The following ACACB variants were observed in gnomAD, a reference collection of about 807,000 sequenced individuals.
ACACB encodes the protein acetyl-CoA carboxylase beta.
ACACB carries 209 observed loss-of-function variants against 278.8 expected under a neutral mutation model. That is an observed-to-expected ratio of 0.75 (90% CI 0.67 to 0.84). The LOEUF is 0.84. ACACB is among the 40% of genes least tolerant of loss of function. The pLI, the probability that ACACB is intolerant of heterozygous loss-of-function variation, is 0.00. For missense variants in ACACB, 2,850 were observed against 3,269.0 expected (o/e 0.87, Z 3.13); for synonymous variants, 1,174 against 1,285.6 (o/e 0.91, Z 1.86).
At chr12:109,199,789 G>A (rs1173133247) in intron 18 of ACACB, among the ~76,000 whole-genome samples, 8 of 152,090 alleles carry the variant, frequency 5.3e-5, no homozygotes, top group African/African-American at 1.4e-4. Flanking sequence ...TGAGGCGGGC[G>A]GATCACGAGG....
chr12:109,121,842 C>G (rs941729056), intron 1 of ACACB, among the ~76,000 whole-genome samples: 3 of 152,154 alleles, frequency 2.0e-5, no homozygotes, highest in Non-Finnish European at 2.9e-5. Context: ...CACTCCTTGC[C>G]CTTAGGAAGC....
intron 2 of ACACB, among the ~76,000 whole-genome samples, chr12:109,151,177 G>T (rs2043365164): frequency 6.6e-6 from 1 of 151,884 alleles, no homozygotes; most frequent in African/African-American, 2.4e-5. Flanking sequence ...TAGAGACAGG[G>T]TTTCACCATG....
chr12:109,135,541 A>AT (rs1406626396), intron 1 of ACACB, among the ~76,000 whole-genome samples: 2 of 151,326 alleles, frequency 1.3e-5, no homozygotes, highest in Admixed American at 6.6e-5. Flanking sequence ...CAATTTACCT[A>AT]TTTTTTCTTA....
intron 2 of ACACB, among the ~76,000 whole-genome samples, chr12:109,166,609 C>T (rs2043903386): frequency 1.5e-5 from 2 of 130,024 alleles, no homozygotes; most frequent in Non-Finnish European, 3.1e-5. Flanking sequence ...ACGATTGCAC[C>T]ACTGCATACT....
Position 109,253,133 on chromosome 12 carries a change from T to C in ACACB, c.6020T>C (p.Leu2007Pro). 6.2e-7 allele frequency: 1 copy of C among 1,600,110 alleles called. No individual in the cohort carries two copies. Among genetic ancestry groups the C allele is most frequent in the Non-Finnish European group, 8.5e-7 (1 of 1,171,688 alleles). Residue 2007 changes from leucine to proline, a missense_variant, in exon 43 of 53, where the codon CTG becomes CCG. Physicochemically the swap from Leu to Pro is moderately conservative, Grantham distance 98. Coordinates refer to ENST00000338432, the MANE Select transcript of ACACB (RefSeq NM_001093.4). The stretch of plus-strand genomic sequence containing the variant: ...GACTTTGAGGGGGTTTATACCATCC[T>C]GGAGTGGCTGTCCTATATGCCAAAG... ...PDDFEGVYTI[L>P]EWLSYMPKDN...
Position 109,161,104 on chromosome 12 carries a change from G to A in ACACB, c.654-5757G>A, listed in dbSNP as rs73197486. Among the ~76,000 whole-genome samples the A allele has an allele frequency of 5.8e-3, 882 of 152,276 alleles. 3 individuals are homozygous for A. Among genetic ancestry groups the A allele is most frequent in the Non-Finnish European group, 8.9e-3 (603 of 68,030 alleles). On this transcript the variant is annotated intron_variant, in intron 2 of 52. Transcript: ENST00000338432. The stretch of plus-strand genomic sequence containing the variant: ...TACAACCTCTGTGGAAAACAGTTTG[G>A]AGAGTTCTCAAGGAACTAAAATAGA...
chr12:109,191,606 C>A lies in ACACB; in HGVS notation c.2145-7C>A, dbSNP rs771569793. The A allele has an allele frequency of 8.1e-6, 13 of 1,613,860 alleles. 1 individual carries two copies. In the South Asian group the frequency reaches 1.3e-4, roughly 16 times the overall value. ...TGGAAAATGATCCATGTGCCTTTCC[C>A]TTCAAGGAACATGGTGGTGGCTTTG... On this transcript the variant is annotated splice_polypyrimidine_tract_variant and splice_region_variant and intron_variant, in intron 13 of 52. Coordinates refer to ENST00000338432, the MANE Select transcript of ACACB (RefSeq NM_001093.4).
intron 1 of ACACB, among the ~76,000 whole-genome samples, chr12:109,129,762 G>T (rs1370065469): frequency 1.3e-5 from 2 of 152,244 alleles, no homozygotes; most frequent in Non-Finnish European, 2.9e-5. Flanking sequence ...TTGATGGGGG[G>T]ATCTGCCTGT....
chr12:109,243,597 T>TCAAAAA (rs919491785), intron 37 of ACACB, among the ~76,000 whole-genome samples: 2 of 152,098 alleles, frequency 1.3e-5, no homozygotes, highest in African/African-American at 4.8e-5. Flanking sequence ...AGACTCTGTC[T>TCAAAAA]CAAAAACAAA....
Position 109,140,989 on chromosome 12 carries a change from C to T in ACACB, c.653+931C>T, listed in dbSNP as rs185726712. On this transcript the variant is annotated intron_variant, in intron 2 of 52. Transcript: ENST00000338432. ...TCATAGCTCACTACAACCTCAAACT[C>T]CCGGGCTCAAGCAATCCTCCCACCT... Among the ~76,000 whole-genome samples, 11 of 145,744 alleles carry T rather than the reference C, an allele frequency of 7.5e-5. No individual in the cohort carries two copies. In the East Asian group the frequency reaches 2.6e-3, roughly 34 times the overall value.
At chr12:109,128,262 C>T (rs2042730661) in intron 1 of ACACB, among the ~76,000 whole-genome samples, 1 of 152,200 alleles carries the variant, frequency 6.6e-6, no homozygotes, top group African/African-American at 2.4e-5. Flanking sequence ...GATTCTCCTG[C>T]CTCAGCCTCC....
chr12:109,245,918 G>A (rs886213750), intron 38 of ACACB, among the ~76,000 whole-genome samples, 170 bp downstream of exon 38: 1 of 152,070 alleles, frequency 6.6e-6, no homozygotes, highest in Non-Finnish European at 1.5e-5. Flanking sequence ...GTGAGAACCT[G>A]TCTCTACATA....
At chr12:109,222,685 C>G in intron 25 of ACACB, 65 bp downstream of exon 25, 2 of 1,526,602 alleles carry the variant, frequency 1.3e-6, no homozygotes, top group Non-Finnish European at 1.8e-6. Flanking sequence ...TGTCCCCTAC[C>G]GTGCTCAGCC....
At chr12:109,212,765 C>G (rs2045886772) in intron 21 of ACACB, 71 bp from the exon 22 acceptor site, 24 of 1,343,642 alleles carry the variant, frequency 1.8e-5, no homozygotes, top group Non-Finnish European at 2.4e-5. Context: ...GTTTGGGGAC[C>G]CTTTCTTTAG....
intron 1 of ACACB, among the ~76,000 whole-genome samples, chr12:109,134,503 T>G (rs2042921428): frequency 1.3e-5 from 2 of 152,200 alleles, no homozygotes; most frequent in Non-Finnish European, 2.9e-5. Flanking sequence ...TCTCTGGCTG[T>G]TGTTAATTTC....
chr12:109,199,752 G>T (rs976211520), intron 18 of ACACB, among the ~76,000 whole-genome samples, 200 bp downstream of exon 18: 1 of 152,190 alleles, frequency 6.6e-6, no homozygotes, highest in Admixed American at 6.5e-5. Context: ...GGTGGTTCAC[G>T]CCTGTAATCC....
chr12:109,163,958 A>G (rs1370234132), intron 2 of ACACB, among the ~76,000 whole-genome samples: 1 of 152,172 alleles, frequency 6.6e-6, no homozygotes, highest in East Asian at 1.9e-4. Flanking sequence ...CCCATCAAGG[A>G]AGTATTTGAA....
chr12:109,258,371 G>C lies in ACACB; in HGVS notation c.6360+7G>C, dbSNP rs1411541847. On this transcript the variant is annotated splice_region_variant and intron_variant, in intron 46 of 52. Coordinates refer to ENST00000338432, the MANE Select transcript of ACACB (RefSeq NM_001093.4). Reference sequence around the variant, plus strand: ...CCTGGATTCTGAGGCCAAGGTGAGGGGGCCGGGAGCTGTGGCTGCTGGTTT... The same window carrying C: ...CCTGGATTCTGAGGCCAAGGTGAGGCGGCCGGGAGCTGTGGCTGCTGGTTT... The C allele has an allele frequency of 6.2e-7, 1 of 1,608,556 alleles. No homozygotes were observed. The highest frequency in any genetic ancestry group is 8.5e-7 in the Non-Finnish European group (1 of 1,178,222).
Position 109,191,918 on chromosome 12 carries a change from G to C in ACACB, c.2367G>C (p.Thr789=). ...ALNVADAMFR[T]CMTDFLHSLE... is the part of the protein sequence containing the mutation. ...ACGTGGCCGATGCGATGTTCAGAAC[G>C]TGCATGACAGATTTCTTACACTCCC... Residue 789 remains threonine (T), a synonymous_variant, in exon 15 of 53, where the codon ACG becomes ACC. Transcript: ENST00000338432. The C allele has an allele frequency of 6.2e-7, 1 of 1,614,182 alleles. No homozygotes were observed. The highest frequency in any genetic ancestry group is 8.5e-7 in the Non-Finnish European group (1 of 1,180,040).
Sources: allele counts gnomAD v4.1 joint callset (sites outside exome capture counted in the v4.1 genomes callset), GRCh38; gene constraint gnomAD v4.1.1; transcripts MANE v1.5; gene names NCBI Gene and HGNC (gene_info 2026-07-23, HGNC 2026-07-21).